CFAP54: variants seen among roughly 807,000 people sequenced by gnomAD.
CFAP54 encodes cilia- and flagella-associated protein 54.
Under a neutral mutation model 370.4 loss-of-function variants are expected in CFAP54, and 290 were observed. The ratio of observed to expected loss-of-function variants is 0.78; its 90% CI spans 0.71 to 0.86. CFAP54 has a LOEUF of 0.86. Among genes scored for constraint, CFAP54 ranks in the 40% least tolerant of loss-of-function variants. The pLI is 0.00. For synonymous variants in CFAP54, 1,206 were observed against 1,236.5 expected (o/e 0.98, Z 0.52); for missense variants, 3,399 against 3,528.7 (o/e 0.96, Z 0.93).
intron 55 of CFAP54, among the ~76,000 whole-genome samples, chr12:96,745,763 T>C (rs978797049): frequency 6.6e-6 from 1 of 152,222 alleles, no homozygotes; most frequent in Non-Finnish European, 1.5e-5. Flanking sequence ...TCTGATAACT[T>C]GTTTGTAAAA....
chr12:96,741,227 C>G (rs116296061), intron 51 of CFAP54, among the ~76,000 whole-genome samples: 2,278 of 152,202 alleles, frequency 0.015, 72 homozygotes, highest in African/African-American at 0.053. Context: ...AATGCAGTGG[C>G]ACAGTGTCGG....
chr12:96,832,264 T>C (rs1161486345), intron 66 of CFAP54, among the ~76,000 whole-genome samples: 7 of 95,052 alleles, frequency 7.4e-5, no homozygotes, highest in African/African-American at 1.5e-4. Context: ...TAAAGCTTTT[T>C]CTTTTGTAAA....
At chr12:96,520,759 C>T (rs73235058) in intron 6 of CFAP54, among the ~76,000 whole-genome samples, 10,396 of 152,316 alleles carry the variant, frequency 0.068, 490 homozygotes, top group South Asian at 0.13. Flanking sequence ...TCTAGTCAAC[C>T]TCTTTGGCTG....
intron 50 of CFAP54, among the ~76,000 whole-genome samples, chr12:96,729,925 C>G (rs1231216944): frequency 6.6e-6 from 1 of 152,114 alleles, no homozygotes; most frequent in Non-Finnish European, 1.5e-5. Flanking sequence ...AAGACAAATT[C>G]TCTTGAAATG....
chr12:96,564,674 A>C lies in CFAP54; in HGVS notation c.2528A>C (p.Asn843Thr), dbSNP rs757715430. 17 of 640,412 alleles carry C rather than the reference A, an allele frequency of 2.7e-5. No homozygotes were observed. In the South Asian group the frequency reaches 3.1e-4, roughly 12 times the overall value. 39.7% of individuals were successfully genotyped at this position (640,412 alleles called of 1,614,324 possible). A position where few individuals can be genotyped will look rare whatever the true frequency, so the allele number is the denominator to read the frequency against. The part of the protein sequence containing the change: ...ELNIMNKIKK[N>T]TLSKAIYLMQ... The stretch of plus-strand genomic sequence containing the variant: ...AATATAATGAATAAAATAAAGAAGA[A>C]TACATTATCCAAAGCAATTTACTTA... Residue 843 changes from asparagine to threonine, a missense_variant, in exon 19 of 68, where the codon AAT (asparagine) becomes ACT (threonine). Physicochemically the swap from Asn to Thr is moderately conservative, Grantham distance 65. Transcript: ENST00000524981.
intron 21 of CFAP54, 67 bp from the exon 22 acceptor site, chr12:96,580,853 A>G (rs368100360): frequency 3.6e-5 from 45 of 1,239,714 alleles, no homozygotes; most frequent in East Asian, 1.4e-4. Flanking sequence ...GGTTTACTTA[A>G]TTGTATTTTA....
chr12:96,733,266 C>G (rs185145571), intron 50 of CFAP54, among the ~76,000 whole-genome samples: 4 of 152,168 alleles, frequency 2.6e-5, no homozygotes, highest in East Asian at 3.9e-4. Context: ...AACTTTACCC[C>G]CTGTGAGCTT....
At chr12:96,506,381 A>G (rs1955100876) in intron 3 of CFAP54, among the ~76,000 whole-genome samples, 1 of 151,632 alleles carries the variant, frequency 6.6e-6, no homozygotes, top group Non-Finnish European at 1.5e-5. Flanking sequence ...ATTTTTGGTA[A>G]TAGGATTTGT....
At chr12:96,776,353 A>T (rs554394895) in intron 60 of CFAP54, among the ~76,000 whole-genome samples, 1 of 152,226 alleles carries the variant, frequency 6.6e-6, no homozygotes, top group East Asian at 1.9e-4. Flanking sequence ...TATAGAAAAC[A>T]ATACAGTTCT....
chr12:96,677,617 G>A (rs968123572), intron 39 of CFAP54, among the ~76,000 whole-genome samples: 6 of 152,144 alleles, frequency 3.9e-5, no homozygotes, highest in African/African-American at 1.2e-4. Context: ...TGGGGACAGG[G>A]CAGAGCAGAC....
intron 63 of CFAP54, among the ~76,000 whole-genome samples, chr12:96,797,117 A>C (rs1270076486): frequency 6.6e-6 from 1 of 152,144 alleles, no homozygotes; most frequent in African/African-American, 2.4e-5. Context: ...AGTGTTTCTA[A>C]AATTCCAAAC....
At chr12:96,614,739 A>G (rs1463217426) in intron 26 of CFAP54, among the ~76,000 whole-genome samples, 2 of 152,242 alleles carry the variant, frequency 1.3e-5, no homozygotes, top group African/African-American at 2.4e-5. Flanking sequence ...CAGCCAAATC[A>G]TGAGTGAACT....
chr12:96,545,746 G>A (rs749694487), intron 14 of CFAP54, among the ~76,000 whole-genome samples: 1 of 151,872 alleles, frequency 6.6e-6, no homozygotes, highest in Non-Finnish European at 1.5e-5. Flanking sequence ...TACCCTTTTT[G>A]TCCAATCGCA....
rs116354772 is a variant in CFAP54, at chr12:96,802,125, C to A, written c.8851-9611C>A. 6.6e-3 allele frequency among the ~76,000 whole-genome samples: 1,011 copies of A among 152,104 alleles called. 10 individuals are homozygous for A. The highest frequency in any genetic ancestry group is 0.023 in the African/African-American group (960 of 41,468). ...GAACGAGTTTGAGTTGATGTGGCAG[C>A]AGCTGCTGCCTGACCAAGGAGGGAC... On this transcript the variant is annotated intron_variant, in intron 63 of 67. Transcript: ENST00000524981.
chr12:96,526,210 G>A (rs1565884892), intron 8 of CFAP54, among the ~76,000 whole-genome samples: 1 of 152,186 alleles, frequency 6.6e-6, no homozygotes, highest in Admixed American at 6.5e-5. Context: ...TAAAACTACG[G>A]TTCTTATTTA....
rs968232986 is a variant in CFAP54, at chr12:96,792,984, A to G, written c.8850+485A>G. On this transcript the variant is annotated intron_variant, in intron 63 of 67. Transcript: ENST00000524981. ...CTGGATTCAGTTTGCTATTATTTGT[A>G]TTAAATTTTCACCTCTGTTTTCCTG... Among the ~76,000 whole-genome samples the G allele has an allele frequency of 4.5e-4, 68 of 152,106 alleles. 1 individual carries two copies. The highest frequency in any genetic ancestry group is 4.3e-4 in the Non-Finnish European group (29 of 67,982).
intron 60 of CFAP54, among the ~76,000 whole-genome samples, chr12:96,765,576 C>T (rs952804850): frequency 1.3e-5 from 2 of 152,128 alleles, no homozygotes; most frequent in South Asian, 4.1e-4. Flanking sequence ...GATATGCCTC[C>T]CTCTTCTTTT....
chr12:96,651,931 T>G (rs1956863289), intron 36 of CFAP54, 116 bp downstream of exon 36: 2 of 669,970 alleles, frequency 3.0e-6, no homozygotes, highest in Admixed American at 6.0e-5. Context: ...TGTCTACATT[T>G]CATTTGCTTC....
chr12:96,841,201 T>G (rs1458688004), intron 66 of CFAP54, among the ~76,000 whole-genome samples: 3 of 152,362 alleles, frequency 2.0e-5, no homozygotes, highest in Non-Finnish European at 4.4e-5. Flanking sequence ...GAGAAGTATA[T>G]GCACTCCTTG....
Sources: allele counts gnomAD v4.1 joint callset (sites outside exome capture counted in the v4.1 genomes callset), GRCh38; gene constraint gnomAD v4.1.1; transcripts MANE v1.5; gene names NCBI Gene and HGNC (gene_info 2026-07-23, HGNC 2026-07-21).